Variants in DMD observed in about 807,000 individuals in gnomAD.
DMD encodes mutant dystrophin.
Under a neutral mutation model 330.1 loss-of-function variants are expected in DMD, and 63 were observed. The ratio of observed to expected loss-of-function variants is 0.19; its 90% CI spans 0.16 to 0.24. The LOEUF (loss-of-function observed/expected upper bound fraction) is 0.24, where lower values mean the gene tolerates loss of function less well. Among genes scored for constraint, DMD ranks in the 10% least tolerant of loss-of-function variants. The probability of loss-of-function intolerance (pLI) is 1.00; values close to 1 mark genes in which losing one functional copy is unlikely to be tolerated. For missense variants in DMD, 3,344 were observed against 2,684.1 expected (o/e 1.25, Z -5.43); for synonymous variants, 1,223 against 959.8 (o/e 1.27, Z -5.07).
At chrX:31,764,577 T>C (rs931120207) in intron 51 of DMD, among the ~76,000 whole-genome samples, 3 of 112,103 alleles carry the variant, frequency 2.7e-5, no homozygotes, top group Admixed American at 9.5e-5. Flanking sequence ...CTTTCTTAAG[T>C]ATAGAATCAA....
At chrX:32,912,645 C>G (rs1191530838) in intron 2 of DMD, among the ~76,000 whole-genome samples, 1 of 111,913 alleles carries the variant, frequency 8.9e-6, no homozygotes, top group African/African-American at 3.2e-5. Context: ...TTGAAAGAAA[C>G]AGTCACAGAA....
intron 60 of DMD, among the ~76,000 whole-genome samples, chrX:31,423,418 T>C (rs1484498825): frequency 1.8e-5 from 2 of 111,723 alleles, no homozygotes; most frequent in Admixed American, 1.9e-4. Flanking sequence ...TCATCTTCCT[T>C]TGGGCGCATG....
At chrX:31,642,089 G>A (rs2079801334) in intron 54 of DMD, among the ~76,000 whole-genome samples, 1 of 111,079 alleles carries the variant, frequency 9.0e-6, no homozygotes, top group South Asian at 3.8e-4. Context: ...TTAATGTTGA[G>A]AAAAATAAAA....
At chrX:31,454,746 CTTTA>C (rs1330527223) in intron 59 of DMD, among the ~76,000 whole-genome samples, 1 of 109,977 alleles carries the variant, frequency 9.1e-6, no homozygotes, top group Non-Finnish European at 1.9e-5. Flanking sequence ...CTTTTTATTT[CTTTA>C]TTTATTTTTA....
At chrX:33,101,443 C>T (rs939293911) in intron 1 of DMD, among the ~76,000 whole-genome samples, 10 of 111,826 alleles carry the variant, frequency 8.9e-5, no homozygotes, top group Admixed American at 1.9e-4. Flanking sequence ...GCCTGGCCAA[C>T]GTATAGTGAA....
chrX:32,881,748 A>C (rs2083964796), intron 2 of DMD, among the ~76,000 whole-genome samples: 1 of 112,237 alleles, frequency 8.9e-6, no homozygotes, highest in African/African-American at 3.2e-5. Context: ...CTTATTAGAC[A>C]TATTAGCACT....
intron 55 of DMD, among the ~76,000 whole-genome samples, chrX:31,538,910 G>A (rs757881898): frequency 6.3e-5 from 7 of 110,453 alleles, no homozygotes; most frequent in African/African-American, 2.3e-4. Context: ...CAATCTGGAC[G>A]GCTCTTCATG....
At chrX:33,268,172 T>A (rs1163341678) in intron 1 of DMD, among the ~76,000 whole-genome samples, 1 of 110,036 alleles carries the variant, frequency 9.1e-6, no homozygotes, top group Admixed American at 9.8e-5. Flanking sequence ...GTATTTTTGG[T>A]AGAGACAGGG....
chrX:32,382,855 C>T (rs1048941369), intron 33 of DMD, among the ~76,000 whole-genome samples: 1 of 110,424 alleles, frequency 9.1e-6, no homozygotes, highest in Non-Finnish European at 1.9e-5. Flanking sequence ...CAGCTAAATA[C>T]ATTTTTAAAA....
chrX:32,929,913 C>T (rs5928119), intron 2 of DMD, among the ~76,000 whole-genome samples: 21,787 of 111,112 alleles, frequency 0.2, 1,604 homozygotes, highest in African/African-American at 0.23. Flanking sequence ...TATGGCTGCA[C>T]AGTATTCCAT....
At chrX:33,057,412 A>G (rs962842449) in intron 1 of DMD, among the ~76,000 whole-genome samples, 1 of 111,562 alleles carries the variant, frequency 9.0e-6, no homozygotes, top group Non-Finnish European at 1.9e-5. Flanking sequence ...TTTTTTTTGT[A>G]GGAGCTTGGG....
intron 6 of DMD, among the ~76,000 whole-genome samples, chrX:32,816,023 T>G (rs1172747147): frequency 1.8e-5 from 2 of 111,511 alleles, no homozygotes; most frequent in Non-Finnish European, 3.8e-5. Context: ...TGTTTCTTTC[T>G]CCACACTACG....
chrX:31,750,494 A>T (rs976252541), intron 51 of DMD, among the ~76,000 whole-genome samples: 2 of 110,643 alleles, frequency 1.8e-5, no homozygotes, highest in African/African-American at 6.6e-5. Context: ...GTTCTGTTCC[A>T]TTGATCTATA....
At chrX:32,085,872 C>T (rs181099179) in intron 44 of DMD, among the ~76,000 whole-genome samples, 2 of 110,751 alleles carry the variant, frequency 1.8e-5, no homozygotes, top group African/African-American at 3.3e-5. Flanking sequence ...TCTGGGTATA[C>T]ACCCATGTGA....
At position 32,233,134 on chromosome X, in the gene DMD, C is replaced by T. The variant is rs774012947; in HGVS notation, c.6291-16071G>A. 1.8e-4 allele frequency among the ~76,000 whole-genome samples: 20 copies of T among 112,168 alleles called. No individual in the cohort carries two copies. The East Asian group carries it at 5.6e-3, about 31-fold the overall frequency. On this transcript the variant is annotated intron_variant, in intron 43 of 78. Coordinates refer to ENST00000357033, the MANE Select transcript of DMD (RefSeq NM_004006.3). Reference sequence around the variant, plus strand: ...AAGCTGAAAAAGATACTATCTCTATCAATGGGCAATTGACAGTTTAGTTGC... The same window carrying T: ...AAGCTGAAAAAGATACTATCTCTATTAATGGGCAATTGACAGTTTAGTTGC...
chrX:31,194,729 A>G (rs759143379), intron 67 of DMD, among the ~76,000 whole-genome samples: 1 of 112,311 alleles, frequency 8.9e-6, no homozygotes, highest in East Asian at 2.8e-4. Flanking sequence ...CTTCATGGGA[A>G]TAGGTTGTGG....
At chrX:33,163,015 T>G (rs957264304) in intron 1 of DMD, among the ~76,000 whole-genome samples, 1 of 111,849 alleles carries the variant, frequency 8.9e-6, no homozygotes, top group Non-Finnish European at 1.9e-5. Context: ...AAAGTCCACC[T>G]CTGCTGGAAC....
chrX:33,048,761 G>T (rs1270213976), intron 1 of DMD, among the ~76,000 whole-genome samples: 1 of 105,338 alleles, frequency 9.5e-6, no homozygotes, highest in Non-Finnish European at 1.9e-5. Flanking sequence ...AATGAGAACT[G>T]GTAAACAACT....
intron 43 of DMD, among the ~76,000 whole-genome samples, chrX:32,265,043 G>T (rs977926751): frequency 8.9e-6 from 1 of 112,427 alleles, no homozygotes; most frequent in Non-Finnish European, 1.9e-5. Flanking sequence ...ATGTAACGAG[G>T]AGCCAAATGT....
Sources: gnomAD v4.1 joint callset for allele counts (sites outside exome capture counted in the v4.1 genomes callset) on GRCh38, gnomAD v4.1.1 for gene constraint, MANE v1.5 for transcripts, NCBI Gene and HGNC (gene_info 2026-07-23, HGNC 2026-07-21) for gene names.